SHC3: variants seen among roughly 807,000 people sequenced by gnomAD.
The protein encoded by SHC3 is SHC-transforming protein 3.
Under a neutral mutation model 60.4 loss-of-function variants are expected in SHC3, and 15 were observed. The observed-to-expected ratio is 0.25, with a 90% CI of 0.17 to 0.38. SHC3 has a LOEUF of 0.38. SHC3 is among the 10% of genes least tolerant of loss of function. SHC3 has a pLI of 1.00. For missense variants in SHC3, 677 were observed against 786.1 expected (o/e 0.86, Z 1.66); for synonymous variants, 294 against 325.9 (o/e 0.90, Z 1.05).
At chr9:89,137,276 A>T (rs1249522224) in intron 1 of SHC3, among the ~76,000 whole-genome samples, 2 of 152,164 alleles carry the variant, frequency 1.3e-5, no homozygotes, top group African/African-American at 2.4e-5. Context: ...CTTTATACAC[A>T]TGGCTAAGGG....
intron 1 of SHC3, among the ~76,000 whole-genome samples, chr9:89,143,420 C>T (rs1463581854): frequency 1.3e-5 from 2 of 152,112 alleles, no homozygotes; most frequent in Non-Finnish European, 2.9e-5. Context: ...CCTCCTATCT[C>T]ATCCTGTGAC....
chr9:89,019,963 G>A (rs977301205), intron 11 of SHC3, among the ~76,000 whole-genome samples: 3 of 152,174 alleles, frequency 2.0e-5, no homozygotes, highest in African/African-American at 4.8e-5. Flanking sequence ...ACAAAGAAAC[G>A]AAAGCAACAT....
intron 1 of SHC3, among the ~76,000 whole-genome samples, chr9:89,154,715 G>A (rs1826596763): frequency 6.6e-6 from 1 of 152,164 alleles, no homozygotes; most frequent in Non-Finnish European, 1.5e-5. Context: ...GTAAATGTGA[G>A]CTGGTGGCGT....
chr9:89,022,859 A>C (rs1826228821), intron 11 of SHC3, among the ~76,000 whole-genome samples: 1 of 152,186 alleles, frequency 6.6e-6, no homozygotes. Context: ...GAATTCTCTT[A>C]CGGTGTACTG....
At position 89,042,202 on chromosome 9, in the gene SHC3, G is replaced by A. The variant is rs781713354; in HGVS notation, c.1202-18C>T. On this transcript the variant is annotated intron_variant, in intron 9 of 11. Coordinates refer to ENST00000375835, the MANE Select transcript of SHC3 (RefSeq NM_016848.6). ...CGAGGACCCTGCAACAAGAAAGTGA[G>A]CCCCTTTTCTTTTACGATGGTGACA... 6.7e-7 allele frequency: 1 copy of A among 1,490,134 alleles called. No homozygotes were observed. The highest frequency in any genetic ancestry group is 1.4e-5 in the South Asian group (1 of 70,290). 92.3% of individuals were successfully genotyped at this position (1,490,134 alleles called of 1,614,324 possible). A position where few individuals can be genotyped will look rare whatever the true frequency, so the allele number is the denominator to read the frequency against.
intron 4 of SHC3, among the ~76,000 whole-genome samples, chr9:89,073,580 A>G (rs1255616386): frequency 6.6e-6 from 1 of 152,088 alleles, no homozygotes; most frequent in Non-Finnish European, 1.5e-5. Flanking sequence ...TCATCAACCA[A>G]ACTACCAGTC....
At chr9:89,025,710 A>G (rs1412047321) in intron 11 of SHC3, among the ~76,000 whole-genome samples, 1 of 152,188 alleles carries the variant, frequency 6.6e-6, no homozygotes. Context: ...AAGACACCCA[A>G]TTCCAGCCTG....
intron 1 of SHC3, among the ~76,000 whole-genome samples, chr9:89,136,425 C>T (rs1436696128): frequency 2.0e-5 from 3 of 152,100 alleles, no homozygotes; most frequent in Non-Finnish European, 4.4e-5. Context: ...TGGCTAAAAC[C>T]CACCAAAACA....
chr9:89,101,219 T>C (rs1320816061), intron 2 of SHC3, among the ~76,000 whole-genome samples: 1 of 152,218 alleles, frequency 6.6e-6, no homozygotes, highest in Admixed American at 6.5e-5. Flanking sequence ...TGACCTTTGT[T>C]AGTACATAGA....
In SHC3 at chr9:89,132,845, A is replaced by G. The variant is rs1826267332; in HGVS notation, c.475-20219T>C. On this transcript the variant is annotated intron_variant, in intron 1 of 11. Coordinates refer to ENST00000375835, the MANE Select transcript of SHC3 (RefSeq NM_016848.6). ...AAGCAATACCATTCAGGACATAGGC[A>G]TGGGCAAGGACTTCATGTCTAAAAC... is the stretch of plus-strand genomic sequence containing the variant. 2.0e-5 allele frequency among the ~76,000 whole-genome samples: 3 copies of G among 152,216 alleles called. No homozygotes were observed. In the South Asian group the frequency reaches 6.2e-4, roughly 32 times the overall value.
At chr9:89,054,944 G>C (rs1376813531) in intron 6 of SHC3, among the ~76,000 whole-genome samples, 2 of 152,346 alleles carry the variant, frequency 1.3e-5, no homozygotes, top group Non-Finnish European at 2.9e-5. Flanking sequence ...ACTAGCCCAA[G>C]CTGCCCCGGA....
At chr9:89,018,703 T>C (rs537048328) in intron 11 of SHC3, among the ~76,000 whole-genome samples, 14 of 151,264 alleles carry the variant, frequency 9.3e-5, no homozygotes, top group African/African-American at 2.9e-4. Flanking sequence ...TTCTTTCTTT[T>C]TTTTTTTTAA....
chr9:89,048,572 G>T (rs561804243), intron 7 of SHC3, among the ~76,000 whole-genome samples: 15 of 152,090 alleles, frequency 9.9e-5, no homozygotes, highest in Admixed American at 3.3e-4. Context: ...TAATGAAAAC[G>T]TTCTGGAATT....
chr9:89,165,293 C>G (rs970723887), intron 1 of SHC3, among the ~76,000 whole-genome samples: 1 of 141,480 alleles, frequency 7.1e-6, no homozygotes, highest in African/African-American at 3.0e-5. Context: ...TGTTTTCACA[C>G]ACCCTGGAAA....
chr9:89,116,820 T>C (rs73498186), intron 1 of SHC3, among the ~76,000 whole-genome samples: 3,107 of 152,218 alleles, frequency 0.02, 107 homozygotes, highest in African/African-American at 0.07. Flanking sequence ...ACTGCAGTTA[T>C]GTAAGTACCA....
chr9:89,140,747 C>T (rs977701567), intron 1 of SHC3, among the ~76,000 whole-genome samples: 6 of 152,170 alleles, frequency 3.9e-5, no homozygotes, highest in Non-Finnish European at 8.8e-5. Flanking sequence ...AAACAGGGTC[C>T]GTGGCACTTC....
At position 89,149,349 on chromosome 9, in the gene SHC3, T is replaced by C. The variant is rs559869678; in HGVS notation, c.474+28638A>G. On this transcript the variant is annotated intron_variant, in intron 1 of 11. Transcript: ENST00000375835. Reference sequence around the variant, plus strand: ...GAATATTATAATTTTTACAATGAACTTCATTGTAAAATAAAGCATTATAAA... The same window carrying C: ...GAATATTATAATTTTTACAATGAACCTCATTGTAAAATAAAGCATTATAAA... 1.1e-4 allele frequency among the ~76,000 whole-genome samples: 17 copies of C among 152,336 alleles called. No homozygotes were observed. The East Asian group carries it at 3.3e-3, about 29-fold the overall frequency.
rs571580739 is a variant in SHC3 at position 89,147,960 on chromosome 9, G to A, written c.474+30027C>T. ...CTTCGCTCCTCTGCCTATGACTAAGGCCTCACATGTAATGGGTACAAAATA... is the reference window on the plus strand; with the variant it reads ...CTTCGCTCCTCTGCCTATGACTAAGACCTCACATGTAATGGGTACAAAATA... On this transcript the variant is annotated intron_variant, in intron 1 of 11. Transcript: ENST00000375835. Among the ~76,000 whole-genome samples the A allele has an allele frequency of 3.3e-5, 5 of 152,258 alleles. No homozygotes were observed. In the East Asian group the frequency reaches 9.6e-4, roughly 29 times the overall value.
At chr9:89,037,864 C>G (rs1824608067) in intron 11 of SHC3, 129 bp downstream of exon 11, 1 of 1,214,060 alleles carries the variant, frequency 8.2e-7, no homozygotes, top group Admixed American at 2.6e-5. Context: ...TCCCTGCGTT[C>G]CCCTGGAGGA....
Sources: gnomAD v4.1 joint callset for allele counts (sites outside exome capture counted in the v4.1 genomes callset) on GRCh38, gnomAD v4.1.1 for gene constraint, MANE v1.5 for transcripts, NCBI Gene and HGNC (gene_info 2026-07-23, HGNC 2026-07-21) for gene names.